The following LARS1 variants were observed in gnomAD, a reference collection of about 807,000 sequenced individuals.
LARS1 encodes the protein leucyl-tRNA synthetase 1, also known as leucine--tRNA ligase, cytoplasmic.
A neutral mutation model predicts 162.8 loss-of-function variants in LARS1; 100 were observed. The ratio of observed to expected loss-of-function variants is 0.61; its 90% CI spans 0.52 to 0.73. The LOEUF is 0.73. LARS1 is among the 30% of genes least tolerant of loss of function. LARS1 has a pLI of 0.00. For missense variants in LARS1, 1,258 were observed against 1,408.9 expected (o/e 0.89, Z 1.71); for synonymous variants, 457 against 462.8 (o/e 0.99, Z 0.16).
chr5:146,172,903 T>A, intron 2 of LARS1, 129 bp from the exon 3 acceptor site: 1 of 423,358 alleles, frequency 2.4e-6, no homozygotes, highest in East Asian at 3.7e-5. Flanking sequence ...TATTTAAAAG[T>A]AAATTTATAA....
intron 20 of LARS1, among the ~76,000 whole-genome samples, chr5:146,141,794 GA>G (rs1380568366): frequency 6.6e-6 from 1 of 151,778 alleles, no homozygotes; most frequent in East Asian, 2.0e-4. Flanking sequence ...AGACTCTGTA[GA>G]AAAATAAATA....
rs1426586259 is a variant in LARS1 at position 146,128,617 on chromosome 5, C to T, written c.2880+55G>A. 3 of 1,201,074 alleles carry T rather than the reference C, an allele frequency of 2.5e-6. No individual in the cohort carries two copies. The African/African-American group carries it at 4.8e-5, about 19-fold the overall frequency. 74.4% of individuals were successfully genotyped at this position (1,201,074 alleles called of 1,614,324 possible). A position where few individuals can be genotyped will look rare whatever the true frequency, so the allele number is the denominator to read the frequency against. On this transcript the variant is annotated intron_variant, in intron 27 of 31. Transcript: ENST00000394434. ...ATTGCCAACATCCTAAAAACAAAAA[C>T]AACATAGGGAGCATACAACACCATC...
At chr5:146,171,755 GTTGT>G (rs1388645017) in intron 4 of LARS1, among the ~76,000 whole-genome samples, 151 bp downstream of exon 4, 8 of 152,100 alleles carry the variant, frequency 5.3e-5, no homozygotes, top group Admixed American at 6.5e-5. Context: ...TTCTTCACAT[GTTGT>G]TTATTTTTAA....
chr5:146,149,542 T>G, intron 15 of LARS1, 80 bp downstream of exon 15: 1 of 980,946 alleles, frequency 1.0e-6, no homozygotes, highest in Non-Finnish European at 1.6e-6. Flanking sequence ...GGTTCTACTG[T>G]AGAACTCACT....
At chr5:146,148,653 C>A (rs771347536) in intron 15 of LARS1, among the ~76,000 whole-genome samples, 50 of 151,688 alleles carry the variant, frequency 3.3e-4, no homozygotes, top group South Asian at 4.2e-4. Flanking sequence ...TTAGAGAAAA[C>A]AAAAAGTAGG....
chr5:146,171,846 GAAT>G, intron 4 of LARS1, 61 bp downstream of exon 4: 1 of 1,149,822 alleles, frequency 8.7e-7, no homozygotes, highest in East Asian at 2.4e-5. Flanking sequence ...TTAAGCTCTT[GAAT>G]TGGGTATTAC....
chr5:146,160,812 A>G lies in LARS1; in HGVS notation c.595-326T>C, dbSNP rs66891285. Among the ~76,000 whole-genome samples, 13,658 of 152,252 alleles carry G rather than the reference A, an allele frequency of 0.09. 760 individuals carry two copies. Among genetic ancestry groups the G allele is most frequent in the African/African-American group, 0.15 (6,430 of 41,516 alleles). On this transcript the variant is annotated intron_variant, in intron 6 of 31. Coordinates refer to ENST00000394434, the MANE Select transcript of LARS1 (RefSeq NM_020117.11). ...TATTCTTTGAATAAAGCTCCTTTCT[A>G]CTAATTGTTAATATGTCAATATACA...
In LARS1 at chr5:146,165,205, GCGCCCGTAATCCC is replaced by G. The variant is rs1753949858; in HGVS notation, c.433-747_433-735del. On this transcript the variant is annotated intron_variant, in intron 5 of 31. Transcript: ENST00000394434. The stretch of plus-strand genomic sequence containing the variant: ...GAAAATTAGCCGGGCATGGTGGCAA[GCGCCCGTAATCCC>G]AGCTACCCTGGAGGCTGAGGCAGGA... Among the ~76,000 whole-genome samples the G allele has an allele frequency of 3.3e-5, 5 of 152,002 alleles. No individual in the cohort carries two copies. The South Asian group carries it at 1.0e-3, about 32-fold the overall frequency.
intron 14 of LARS1, 107 bp from the exon 15 acceptor site, chr5:146,149,806 T>C (rs1489570539): frequency 4.0e-6 from 3 of 752,156 alleles, no homozygotes; most frequent in African/African-American, 1.8e-5. Flanking sequence ...CACCGAAATA[T>C]TTTTAGTATG....
In LARS1 at chr5:146,174,510, A is replaced by G. The variant is rs1176353574; in HGVS notation, c.126-1736T>C. On this transcript the variant is annotated intron_variant, in intron 2 of 31. Coordinates refer to ENST00000394434, the MANE Select transcript of LARS1 (RefSeq NM_020117.11). ...CATATATATATATATCCATATATAT[A>G]TATATATATCCATATATATATATAT... is the stretch of plus-strand genomic sequence containing the variant. 2.8e-4 allele frequency among the ~76,000 whole-genome samples: 20 copies of G among 72,550 alleles called. 3 individuals are homozygous for G. Among genetic ancestry groups the G allele is most frequent in the Admixed American group, 4.4e-4 (2 of 4,560 alleles). 47.6% of individuals were successfully genotyped at this position (72,550 alleles called of 152,430 possible).
At chr5:146,152,054 C>T (rs1352230048) in intron 13 of LARS1, 52 bp from the exon 14 acceptor site, 1 of 1,602,048 alleles carries the variant, frequency 6.2e-7, no homozygotes, top group Non-Finnish European at 8.5e-7. Context: ...ACACACAGCT[C>T]TGTAGGGCAC....
At chr5:146,154,797 A>C (rs1474800120) in intron 10 of LARS1, among the ~76,000 whole-genome samples, 1 of 152,200 alleles carries the variant, frequency 6.6e-6, no homozygotes, top group Non-Finnish European at 1.5e-5. Context: ...AGAAAAGAAT[A>C]TAAATAAAAT....
chr5:146,114,531 C>T (rs182595988), intron 31 of LARS1, among the ~76,000 whole-genome samples: 34 of 151,822 alleles, frequency 2.2e-4, no homozygotes, highest in African/African-American at 8.0e-4. Context: ...GACAGGAGTT[C>T]GAGACTAGCC....
intron 23 of LARS1, chr5:146,131,858 C>A (rs1752300706): frequency 6.6e-6 from 1 of 152,112 alleles, no homozygotes; most frequent in Admixed American, 6.6e-5. Context: ...TTTTCTCATA[C>A]CAATCCAGGT....
intron 24 of LARS1, 132 bp downstream of exon 24, chr5:146,130,887 A>C: frequency 2.1e-6 from 1 of 481,850 alleles, no homozygotes. Context: ...GAAGAATTTA[A>C]AATTTTTCTG....
chr5:146,175,889 A>G (rs997415351), intron 2 of LARS1, among the ~76,000 whole-genome samples: 1 of 152,006 alleles, frequency 6.6e-6, no homozygotes, highest in Non-Finnish European at 1.5e-5. Context: ...GTGATGGCTC[A>G]TGTCTTATAA....
At chr5:146,148,065 T>C (rs1753098545) in intron 15 of LARS1, among the ~76,000 whole-genome samples, 1 of 152,186 alleles carries the variant, frequency 6.6e-6, no homozygotes, top group Non-Finnish European at 1.5e-5. Context: ...GAATCTATAC[T>C]CAGGCAATCC....
intron 21 of LARS1, among the ~76,000 whole-genome samples, chr5:146,136,989 C>A (rs1326268549): frequency 6.6e-6 from 1 of 152,026 alleles, no homozygotes; most frequent in Admixed American, 6.6e-5. Flanking sequence ...GTAACCTCTG[C>A]CTCTCGGGTT....
chr5:146,139,123 C>G (rs1293946789), intron 21 of LARS1: 7 of 222,810 alleles, frequency 3.1e-5, no homozygotes, highest in Non-Finnish European at 6.3e-5. Context: ...CAGGCGATCA[C>G]TTGAGGTCAG....
Sources: gnomAD v4.1 joint callset for allele counts (sites outside exome capture counted in the v4.1 genomes callset) on GRCh38, gnomAD v4.1.1 for gene constraint, MANE v1.5 for transcripts, NCBI Gene and HGNC (gene_info 2026-07-23, HGNC 2026-07-21) for gene names.